The following DOCK5 variants were observed in gnomAD, a reference collection of about 807,000 sequenced individuals.
The protein encoded by DOCK5 is dedicator of cytokinesis 5, also known as dedicator of cytokinesis protein 5.
DOCK5 carries 142 observed loss-of-function variants against 251.8 expected under a neutral mutation model. That is an observed-to-expected ratio of 0.56 (90% confidence interval 0.49 to 0.65). The LOEUF is 0.65. Among genes scored for constraint, DOCK5 ranks in the 30% least tolerant of loss-of-function variants. DOCK5 has a pLI of 0.00. For synonymous variants in DOCK5, 842 were observed against 835.5 expected, an observed-to-expected ratio of 1.01 and a Z score of -0.13; for missense variants, 2,111 against 2,312.3, an observed-to-expected ratio of 0.91 and a Z score of 1.79.
At chr8:25,347,047 C>T (rs1800384102) in intron 26 of DOCK5, among the ~76,000 whole-genome samples, 2 of 152,190 alleles carry the variant, frequency 1.3e-5, no homozygotes, top group South Asian at 4.1e-4. Flanking sequence ...TCCCACAGAA[C>T]AGGAAAACCA....
At chr8:25,316,973 C>T (rs2117193645) in intron 13 of DOCK5, 34 bp from the exon 14 acceptor site, 1 of 1,610,806 alleles carries the variant, frequency 6.2e-7, no homozygotes, top group Admixed American at 1.7e-5. Flanking sequence ...TGACTTCTCT[C>T]AGCAACACTC....
chr8:25,394,350 A>T (rs866668204), intron 44 of DOCK5, among the ~76,000 whole-genome samples: 8 of 150,828 alleles, frequency 5.3e-5, no homozygotes, highest in Non-Finnish European at 1.0e-4. Flanking sequence ...AGAAGGAGAT[A>T]CTTTTTTTTT....
At chr8:25,323,711 T>G in intron 16 of DOCK5, 137 bp from the exon 17 acceptor site, 1 of 892,860 alleles carries the variant, frequency 1.1e-6, no homozygotes, top group Non-Finnish European at 1.8e-6. Context: ...GGTACGTGGC[T>G]TATTGCAGTT....
At chr8:25,330,578 T>C (rs1805659560) in intron 18 of DOCK5, among the ~76,000 whole-genome samples, 1 of 152,144 alleles carries the variant, frequency 6.6e-6, no homozygotes, top group African/African-American at 2.4e-5. Context: ...GTTGGAAGTA[T>C]GCAGGAGTGA....
chr8:25,250,588 T>C (rs1344640454), intron 2 of DOCK5, among the ~76,000 whole-genome samples: 3 of 152,212 alleles, frequency 2.0e-5, no homozygotes, highest in African/African-American at 4.8e-5. Context: ...TCAACATTAT[T>C]TGCTGAGCAC....
intron 5 of DOCK5, among the ~76,000 whole-genome samples, chr8:25,281,584 T>TAAA (rs755311727): frequency 8.2e-6 from 1 of 121,400 alleles, no homozygotes; most frequent in Non-Finnish European, 1.8e-5. Flanking sequence ...AGAATTTGGT[T>TAAA]AAAAAAAAAA....
At chr8:25,344,549 C>T (rs368628638) in intron 25 of DOCK5, among the ~76,000 whole-genome samples, 3 of 152,302 alleles carry the variant, frequency 2.0e-5, no homozygotes, top group East Asian at 3.9e-4. Flanking sequence ...AAGTCTCAGC[C>T]TCCAGTTCTG....
chr8:25,411,519 A>C lies in DOCK5; in HGVS notation c.*221A>C. 1 of 510,420 alleles carries C rather than the reference A, an allele frequency of 2.0e-6. No homozygotes were observed. The highest frequency in any genetic ancestry group is 3.8e-5 in the East Asian group (1 of 26,644). The allele number at this position is 510,420 out of a possible 1,614,324, so 31.6% of individuals were successfully genotyped here. ...CTTCCAGTCCACATGGAATTCCAGA[A>C]TCAGTCACAGCCTCTGATTTTTTCC... On this transcript the variant is annotated 3_prime_UTR_variant, in exon 52 of 52. Transcript: ENST00000276440.
chr8:25,293,170 C>A (rs1043971515), intron 6 of DOCK5, among the ~76,000 whole-genome samples: 5 of 152,066 alleles, frequency 3.3e-5, no homozygotes, highest in Non-Finnish European at 7.4e-5. Flanking sequence ...ATTGGTGATT[C>A]TTTTGGAATT....
chr8:25,235,903 T>C (rs1386528782), intron 1 of DOCK5, among the ~76,000 whole-genome samples: 2 of 150,150 alleles, frequency 1.3e-5, no homozygotes, highest in African/African-American at 4.9e-5. Context: ...ATTCAAGCGA[T>C]TCTCATGCCT....
chr8:25,191,778 A>G (rs1489050352), intron 1 of DOCK5, among the ~76,000 whole-genome samples: 2 of 151,196 alleles, frequency 1.3e-5, no homozygotes, highest in African/African-American at 4.8e-5. Flanking sequence ...TTATATATAT[A>G]TATTTATTAT....
Position 25,364,623 on chromosome 8 carries a change from C to T in DOCK5, c.3045-3C>T. On this transcript the variant is annotated splice_region_variant and splice_polypyrimidine_tract_variant and intron_variant, in intron 29 of 51. Transcript: ENST00000276440. ...TTCTTTATCTGGTGTTTTCCTTCCG[C>T]AGGGTTTTTCTCCGTGCTATAAATC... The T allele has an allele frequency of 6.3e-7, 1 of 1,594,818 alleles. No individual in the cohort carries two copies. Among genetic ancestry groups the T allele is most frequent in the Non-Finnish European group, 8.6e-7 (1 of 1,168,388 alleles).
Position 25,399,999 on chromosome 8 carries a change from A to G in DOCK5, c.4788+5A>G, listed in dbSNP as rs1157018236. On this transcript the variant is annotated splice_donor_5th_base_variant and intron_variant, in intron 46 of 51. Coordinates refer to ENST00000276440, the MANE Select transcript of DOCK5 (RefSeq NM_024940.8). ...AAGCGACTAATAGCATTACAGGTAC[A>G]GGACGGCTTTCCTCTACACTCCCAG... The G allele has an allele frequency of 6.2e-7, 1 of 1,612,738 alleles. No homozygotes were observed. Among genetic ancestry groups the G allele is most frequent in the South Asian group, 1.1e-5 (1 of 90,734 alleles).
chr8:25,390,630 C>T (rs1265652579), intron 42 of DOCK5, among the ~76,000 whole-genome samples: 2 of 152,100 alleles, frequency 1.3e-5, no homozygotes, highest in Non-Finnish European at 2.9e-5. Context: ...AAATTTCACA[C>T]CTAGCTTACA....
chr8:25,309,014 T>G, intron 12 of DOCK5, 89 bp downstream of exon 12: 2 of 1,494,714 alleles, frequency 1.3e-6, no homozygotes, highest in Non-Finnish European at 9.0e-7. Flanking sequence ...CTTTATTATC[T>G]TTCTCTGATA....
chr8:25,380,928 A>AAATGCCCAGTGGAGGAGGCAGCCATTCTG (rs1563223508), intron 39 of DOCK5, among the ~76,000 whole-genome samples: 10 of 150,396 alleles, frequency 6.6e-5, no homozygotes, highest in African/African-American at 2.5e-4. Context: ...GCACCATTCC[A>AAATGCCCAGTGGAGGAGGCAGCCATTCTG]AATGCCCAGT....
intron 2 of DOCK5, among the ~76,000 whole-genome samples, chr8:25,251,413 G>A (rs1178238441): frequency 6.6e-6 from 1 of 152,140 alleles, no homozygotes; most frequent in African/African-American, 2.4e-5. Context: ...GAAACAAAAA[G>A]AAGGGTTTGT....
At chr8:25,312,252 G>A (rs892136271) in intron 13 of DOCK5, among the ~76,000 whole-genome samples, 10 of 152,126 alleles carry the variant, frequency 6.6e-5, no homozygotes, top group African/African-American at 2.4e-4. Flanking sequence ...CCTGAAGGTT[G>A]TTTTACTACT....
intron 5 of DOCK5, among the ~76,000 whole-genome samples, chr8:25,289,580 C>T (rs906256671): frequency 7.3e-5 from 11 of 151,650 alleles, no homozygotes; most frequent in Non-Finnish European, 7.4e-5. Flanking sequence ...TGGTGGCTCA[C>T]GCCTATAATC....
Sources: allele counts gnomAD v4.1 joint callset (sites outside exome capture counted in the v4.1 genomes callset), GRCh38; gene constraint gnomAD v4.1.1; transcripts MANE v1.5; gene names NCBI Gene and HGNC (gene_info 2026-07-23, HGNC 2026-07-21).